Variants in AKAP6 observed in about 807,000 individuals in gnomAD.
AKAP6 encodes the protein A-kinase anchor protein 6.
AKAP6 carries 58 observed loss-of-function variants against 188.5 expected under a neutral mutation model. The ratio of observed to expected loss-of-function variants is 0.31; its 90% CI spans 0.25 to 0.38. AKAP6 has a LOEUF of 0.38. Among genes scored for constraint, AKAP6 ranks in the 10% least tolerant of loss-of-function variants. The pLI is 1.00. For missense variants in AKAP6, 2,710 were observed against 2,740.0 expected, an observed-to-expected ratio of 0.99 and a Z score of 0.24; for synonymous variants, 989 against 998.6, an observed-to-expected ratio of 0.99 and a Z score of 0.18.
intron 2 of AKAP6, among the ~76,000 whole-genome samples, chr14:32,442,096 T>C (rs1309796534): frequency 6.6e-6 from 1 of 152,218 alleles, no homozygotes; most frequent in African/African-American, 2.4e-5. Flanking sequence ...AGTTTTCATT[T>C]CAATTGCATT....
chr14:32,609,805 G>T (rs757294565), intron 7 of AKAP6, among the ~76,000 whole-genome samples: 8 of 151,332 alleles, frequency 5.3e-5, no homozygotes, highest in Non-Finnish European at 1.2e-4. Flanking sequence ...TAGGGGCATT[G>T]GTTCCACAGG....
At chr14:32,357,176 T>G (rs1887511952) in intron 1 of AKAP6, among the ~76,000 whole-genome samples, 1 of 152,222 alleles carries the variant, frequency 6.6e-6, no homozygotes, top group African/African-American at 2.4e-5. Flanking sequence ...TGTCATATAG[T>G]TCACACAGAG....
At chr14:32,742,204 A>G in intron 11 of AKAP6, among the ~76,000 whole-genome samples, 2 of 151,896 alleles carry the variant, frequency 1.3e-5, no homozygotes. Context: ...GAATTTCTGA[A>G]GTATCACTTA....
chr14:32,770,409 C>T (rs1358468679), intron 11 of AKAP6, among the ~76,000 whole-genome samples: 1 of 152,096 alleles, frequency 6.6e-6, no homozygotes, highest in Non-Finnish European at 1.5e-5. Context: ...TTGTTTCCCT[C>T]TTCTTTATAG....
chr14:32,763,353 G>A (rs2032601941), intron 11 of AKAP6, among the ~76,000 whole-genome samples: 1 of 152,032 alleles, frequency 6.6e-6, no homozygotes, highest in East Asian at 1.9e-4. Flanking sequence ...TCCATAATTA[G>A]CAATAAGGAT....
chr14:32,829,119 A>T lies in AKAP6; in HGVS notation c.*43-729A>T, dbSNP rs190233975. Among the ~76,000 whole-genome samples the T allele has an allele frequency of 1.0e-3, 153 of 152,338 alleles. 3 individuals are homozygous for T. The East Asian group carries it at 0.017, about 17-fold the overall frequency. On this transcript the variant is annotated intron_variant, in intron 13 of 13. Coordinates refer to ENST00000280979, the MANE Select transcript of AKAP6 (RefSeq NM_004274.5). ...TAAACTTGGTATTTAGGTGTTCCTC[A>T]CATTTGACCAGTTGCTTTTAGCCAT...
At chr14:32,469,261 C>G in intron 2 of AKAP6, among the ~76,000 whole-genome samples, 1 of 152,162 alleles carries the variant, frequency 6.6e-6, no homozygotes, top group East Asian at 1.9e-4. Context: ...CAGTCTCCAA[C>G]GGAGGAGATT....
At chr14:32,566,631 G>A (rs1340314925) in intron 4 of AKAP6, among the ~76,000 whole-genome samples, 1 of 152,080 alleles carries the variant, frequency 6.6e-6, no homozygotes, top group African/African-American at 2.4e-5. Flanking sequence ...ACACATGTAT[G>A]TTTACTCATA....
At chr14:32,660,032 G>A (rs560978723) in intron 7 of AKAP6, among the ~76,000 whole-genome samples, 1 of 152,092 alleles carries the variant, frequency 6.6e-6, no homozygotes, top group East Asian at 1.9e-4. Flanking sequence ...AGGTAAAAGG[G>A]AATCGTATTG....
At chr14:32,540,192 A>ATATATTT (rs1406480125) in intron 3 of AKAP6, among the ~76,000 whole-genome samples, 1 of 123,422 alleles carries the variant, frequency 8.1e-6, no homozygotes, top group African/African-American at 3.1e-5. Flanking sequence ...ATATATATAT[A>ATATATTT]TTTTAATTTT....
At chr14:32,654,816 T>C (rs1478627974) in intron 7 of AKAP6, among the ~76,000 whole-genome samples, 3 of 151,298 alleles carry the variant, frequency 2.0e-5, no homozygotes, top group African/African-American at 7.3e-5. Flanking sequence ...ACCACTGCAC[T>C]CCAGTCTGGG....
chr14:32,467,240 T>G (rs1468463592), intron 2 of AKAP6, among the ~76,000 whole-genome samples: 5 of 148,662 alleles, frequency 3.4e-5, no homozygotes, highest in African/African-American at 1.0e-4. Flanking sequence ...AAAAGAAGAG[T>G]TCTTATCTTT....
intron 2 of AKAP6, among the ~76,000 whole-genome samples, chr14:32,531,631 G>C (rs901978828): frequency 6.6e-6 from 1 of 152,226 alleles, no homozygotes; most frequent in African/African-American, 2.4e-5. Context: ...TGTGCTATCA[G>C]TTTAGAATCA....
At chr14:32,474,248 G>A (rs372998140) in intron 2 of AKAP6, 3 of 152,128 alleles carry the variant, frequency 2.0e-5, no homozygotes, top group Admixed American at 2.0e-4. Flanking sequence ...TCCACATGAA[G>A]CGATTCTACT....
intron 7 of AKAP6, among the ~76,000 whole-genome samples, chr14:32,649,276 A>T (rs549216260): frequency 6.6e-6 from 1 of 152,296 alleles, no homozygotes; most frequent in East Asian, 1.9e-4. Context: ...CATTTACCTG[A>T]CAGGAACTTT....
In AKAP6 at chr14:32,789,406, C is replaced by T. The variant is rs148211345; in HGVS notation, c.3588+15513C>T. Among the ~76,000 whole-genome samples, 6 of 152,352 alleles carry T rather than the reference C, an allele frequency of 3.9e-5. No individual in the cohort carries two copies. In the East Asian group the frequency reaches 1.2e-3, roughly 29 times the overall value. On this transcript the variant is annotated intron_variant, in intron 12 of 13. Transcript: ENST00000280979. The stretch of plus-strand genomic sequence containing the variant: ...CTGCTTCTTTAAGTAGATCCCTGAT[C>T]CCATTCCTCCTGACTGGGTGAGACC...
intron 7 of AKAP6, among the ~76,000 whole-genome samples, chr14:32,656,432 T>C (rs1266158330): frequency 6.6e-6 from 1 of 152,104 alleles, no homozygotes. Context: ...TTTCTCTCCT[T>C]CTTAGCAGTT....
chr14:32,725,533 C>T (rs111510104), intron 9 of AKAP6, among the ~76,000 whole-genome samples: 20 of 151,842 alleles, frequency 1.3e-4, no homozygotes, highest in African/African-American at 3.9e-4. Flanking sequence ...TGTTGATTTC[C>T]GTTTGAGACA....
intron 1 of AKAP6, among the ~76,000 whole-genome samples, chr14:32,392,442 G>T (rs1366574625): frequency 6.6e-6 from 1 of 152,128 alleles, no homozygotes; most frequent in African/African-American, 2.4e-5. Context: ...TAAAGAAATA[G>T]ATACAAATGC....
Sources: allele counts gnomAD v4.1 joint callset (sites outside exome capture counted in the v4.1 genomes callset), GRCh38; gene constraint gnomAD v4.1.1; transcripts MANE v1.5; gene names NCBI Gene and HGNC (gene_info 2026-07-23, HGNC 2026-07-21).